The following NAV2 variants were observed in gnomAD, a reference collection of about 807,000 sequenced individuals.
NAV2 encodes neuron navigator 2.
Under a neutral mutation model 223.2 loss-of-function variants are expected in NAV2, and 54 were observed. That is an observed-to-expected ratio of 0.24 (90% CI 0.19 to 0.30). The LOEUF is 0.30. Among genes scored for constraint, NAV2 ranks in the 10% least tolerant of loss-of-function variants. The pLI, the probability that NAV2 is intolerant of heterozygous loss-of-function variation, is 1.00. For missense variants in NAV2, 2,806 were observed against 3,147.5 expected, an observed-to-expected ratio of 0.89 and a Z score of 2.60; for synonymous variants, 1,279 against 1,239.3, an observed-to-expected ratio of 1.03 and a Z score of -0.67.
chr11:19,941,303 T>C (rs1018271499), intron 8 of NAV2, among the ~76,000 whole-genome samples: 4 of 151,976 alleles, frequency 2.6e-5, no homozygotes, highest in Non-Finnish European at 5.9e-5. Context: ...CAGCCAGTAG[T>C]GCTTGACTGT....
At chr11:19,741,971 G>GGGGTTACCTTTTCTCC (rs1435908368) in intron 1 of NAV2, among the ~76,000 whole-genome samples, 2 of 151,486 alleles carry the variant, frequency 1.3e-5, no homozygotes, top group African/African-American at 4.8e-5. Context: ...ACAGTGTTCA[G>GGGGTTACCTTTTCTCC]GGGTTACCTT....
At chr11:19,580,829 A>G (rs1285152008) in intron 1 of NAV2, among the ~76,000 whole-genome samples, 1 of 152,228 alleles carries the variant, frequency 6.6e-6, no homozygotes, top group African/African-American at 2.4e-5. Context: ...AGTAGAAGGT[A>G]TGTGAATGTT....
At chr11:19,479,220 C>T (rs2042208840) in intron 1 of NAV2, among the ~76,000 whole-genome samples, 1 of 152,124 alleles carries the variant, frequency 6.6e-6, no homozygotes. Flanking sequence ...TGATGAGAGT[C>T]TGGAAGCTCC....
At chr11:19,357,557 A>G (rs1853689039) in intron 1 of NAV2, among the ~76,000 whole-genome samples, 1 of 152,124 alleles carries the variant, frequency 6.6e-6, no homozygotes, top group African/African-American at 2.4e-5. Flanking sequence ...CCCTTGCATT[A>G]TTTTGCAAAA....
In NAV2 at chr11:19,601,285, G is replaced by C. The variant is rs542366067; in HGVS notation, c.76-231199G>C. Among the ~76,000 whole-genome samples, 478 of 152,222 alleles carry C rather than the reference G, an allele frequency of 3.1e-3. 6 individuals are homozygous for C. The highest frequency in any genetic ancestry group is 0.011 in the African/African-American group (459 of 41,522). The stretch of plus-strand genomic sequence containing the variant: ...TCCCTACTGCCCCTACACCCTACTT[G>C]GAACATCCTCCCTTTTCCACCCTGC... On this transcript the variant is annotated intron_variant, in intron 1 of 37. Coordinates refer to the NAV2 transcript ENST00000360655.
At chr11:19,868,705 G>A (rs752851277) in intron 3 of NAV2, among the ~76,000 whole-genome samples, 1 of 152,140 alleles carries the variant, frequency 6.6e-6, no homozygotes, top group Non-Finnish European at 1.5e-5. Flanking sequence ...GTTATTTTTG[G>A]CGGCTGTGAG....
chr11:19,635,317 G>T (rs1235567772), intron 1 of NAV2, among the ~76,000 whole-genome samples: 2 of 152,140 alleles, frequency 1.3e-5, no homozygotes, highest in East Asian at 3.8e-4. Flanking sequence ...AATCAGATTT[G>T]CTTTTTAGAC....
At chr11:20,012,191 G>A (rs2053614291) in intron 11 of NAV2, among the ~76,000 whole-genome samples, 1 of 152,304 alleles carries the variant, frequency 6.6e-6, no homozygotes, top group Admixed American at 6.5e-5. Flanking sequence ...TCCACATATA[G>A]CATCAGTTTA....
At chr11:19,519,077 G>C (rs2134303670) in intron 1 of NAV2, among the ~76,000 whole-genome samples, 1 of 152,294 alleles carries the variant, frequency 6.6e-6, no homozygotes, top group Middle Eastern at 3.4e-3. Context: ...ATAAATATCT[G>C]TTGTTTATAA....
chr11:19,558,558 C>T (rs1329214361), intron 1 of NAV2, among the ~76,000 whole-genome samples: 2 of 152,222 alleles, frequency 1.3e-5, no homozygotes, highest in Non-Finnish European at 2.9e-5. Context: ...CCAGTGGCAG[C>T]GGACTGGACA....
At chr11:19,747,924 C>G (rs1409289501) in intron 1 of NAV2, among the ~76,000 whole-genome samples, 1 of 152,224 alleles carries the variant, frequency 6.6e-6, no homozygotes, top group African/African-American at 2.4e-5. Flanking sequence ...TGCTAGGCCT[C>G]TGTCTGCTGC....
At position 19,984,143 on chromosome 11, in the gene NAV2, A is replaced by T. The variant is rs1266403443; in HGVS notation, c.2664A>T (p.Gly888=). The T allele has an allele frequency of 6.2e-7, 1 of 1,614,146 alleles. No individual in the cohort carries two copies. ...DITSGYMTDG[G]LGLYTRRLNR... ...TTTAAAGATACATGACTGATGGTGG[A>T]CTTGGCCTCTATACCCGTCGCCTGA... Residue 888 remains glycine, a synonymous_variant, in exon 11 of 38, where the codon GGA becomes GGT. Transcript: ENST00000349880.
At chr11:19,483,104 TAAACAAGATCCTCA>T (rs538761767) in intron 1 of NAV2, among the ~76,000 whole-genome samples, 6 of 152,358 alleles carry the variant, frequency 3.9e-5, no homozygotes, top group African/African-American at 1.4e-4. Context: ...GCTCTCTAAT[TAAACAAGATCCTCA>T]AAACAATTTG....
intron 6 of NAV2, among the ~76,000 whole-genome samples, chr11:19,911,031 A>ATTT (rs996900212): frequency 9.7e-5 from 12 of 123,392 alleles, no homozygotes; most frequent in African/African-American, 3.6e-4. Context: ...TTGCAAGCAC[A>ATTT]TTTTTTTTTT....
intron 2 of NAV2, among the ~76,000 whole-genome samples, chr11:19,835,066 G>A (rs907805908): frequency 1.3e-5 from 2 of 152,180 alleles, no homozygotes; most frequent in African/African-American, 4.8e-5. Flanking sequence ...ATGGGAGTAT[G>A]TATGTTGTGC....
rs541869758 is a variant in NAV2 at position 20,097,950 on chromosome 11, G to A, written c.6181+205G>A. On this transcript the variant is annotated intron_variant, in intron 31 of 37. Transcript: ENST00000349880. ...GGAAACAAAATCATTTTAGTTTATT[G>A]CTGCAATTATCTAACAAAAGATCCC... Among the ~76,000 whole-genome samples the A allele has an allele frequency of 4.6e-5, 7 of 152,226 alleles. No individual in the cohort carries two copies. The East Asian group carries it at 1.4e-3, about 29-fold the overall frequency.
chr11:19,463,409 A>G (rs1852234749), intron 1 of NAV2, among the ~76,000 whole-genome samples: 1 of 152,170 alleles, frequency 6.6e-6, no homozygotes, highest in Admixed American at 6.5e-5. Context: ...TGGTTAATCA[A>G]TTGTGGTATC....
At chr11:19,729,845 C>A (rs1371653976) in intron 1 of NAV2, among the ~76,000 whole-genome samples, 1 of 152,108 alleles carries the variant, frequency 6.6e-6, no homozygotes, top group Non-Finnish European at 1.5e-5. Context: ...TATAGGAGAG[C>A]AAATTTTGGG....
chr11:19,719,572 A>G (rs2050592812), intron 1 of NAV2, among the ~76,000 whole-genome samples: 1 of 152,208 alleles, frequency 6.6e-6, no homozygotes, highest in South Asian at 2.1e-4. Context: ...CTAGGAATAT[A>G]TAGTATTGCC....
Sources: allele counts gnomAD v4.1 joint callset (sites outside exome capture counted in the v4.1 genomes callset), GRCh38; gene constraint gnomAD v4.1.1; transcripts MANE v1.5; gene names NCBI Gene and HGNC (gene_info 2026-07-23, HGNC 2026-07-21).